Variants in MAF observed in about 807,000 individuals in gnomAD.
MAF encodes transcription factor Maf.
Under a neutral mutation model 22.0 loss-of-function variants are expected in MAF, and 10 were observed. The observed-to-expected ratio is 0.45, with a 90% confidence interval of 0.28 to 0.77. The LOEUF (loss-of-function observed/expected upper bound fraction) is 0.77, where lower values mean the gene tolerates loss of function less well. Among genes scored for constraint, MAF ranks in the 30% least tolerant of loss-of-function variants. The probability of loss-of-function intolerance (pLI) is 0.12; values close to 1 mark genes in which losing one functional copy is unlikely to be tolerated. For missense variants in MAF, 544 were observed against 548.4 expected, an observed-to-expected ratio of 0.99 and a Z score of 0.08; for synonymous variants, 337 against 255.8, an observed-to-expected ratio of 1.32 and a Z score of -3.03.
the MAF span, among the ~76,000 whole-genome samples, chr16:79,404,349 A>T: frequency 2.6e-5 from 4 of 151,986 alleles, no homozygotes; most frequent in African/African-American, 9.7e-5. Flanking sequence ...TTTTTAGTAG[A>T]GACTGGGTTT....
chr16:79,327,905 C>T, the MAF span, among the ~76,000 whole-genome samples: 3 of 152,184 alleles, frequency 2.0e-5, no homozygotes, highest in South Asian at 2.1e-4. Context: ...ACCATTTGAT[C>T]GCCAGAAAAT....
At chr16:79,468,388 T>A in the MAF span, among the ~76,000 whole-genome samples, 7 of 152,314 alleles carry the variant, frequency 4.6e-5, no homozygotes, top group African/African-American at 1.4e-4. Context: ...ATCTCCTGGG[T>A]GAGAGGATTA....
chr16:79,580,121 A>C, the MAF span, among the ~76,000 whole-genome samples: 28 of 152,174 alleles, frequency 1.8e-4, no homozygotes, highest in African/African-American at 5.3e-4. Context: ...ACTCTCAGGC[A>C]GAGACCAAGT....
chr16:79,322,822 A>T, the MAF span, among the ~76,000 whole-genome samples: 2 of 152,126 alleles, frequency 1.3e-5, no homozygotes, highest in African/African-American at 4.8e-5. Flanking sequence ...ACCGGACCCC[A>T]TAGTCCCTGC....
At chr16:79,381,494 A>T in the MAF span, among the ~76,000 whole-genome samples, 1 of 152,236 alleles carries the variant, frequency 6.6e-6, no homozygotes, top group Non-Finnish European at 1.5e-5. Context: ...GGTGCCTAAA[A>T]GAAAGAGCGC....
chr16:79,213,940 C>A, the MAF span, among the ~76,000 whole-genome samples: 1 of 152,166 alleles, frequency 6.6e-6, no homozygotes, highest in Non-Finnish European at 1.5e-5. Flanking sequence ...CCTCTCTAAT[C>A]TCAACTTCCA....
chr16:79,600,112 TC>T lies in MAF; in HGVS notation c.-211del. 2 of 422,710 alleles carry T rather than the reference TC, an allele frequency of 4.7e-6. No individual in the cohort carries two copies. The highest frequency in any genetic ancestry group is 7.6e-6 in the Non-Finnish European group (2 of 264,162). The allele number at this position is 422,710 out of a possible 1,614,324, so 26.2% of individuals were successfully genotyped here. ...CCGCGCCCCCCGCGCCCGCCCTCCC[TC>T]CCCCCTGCTCACGCCAATGTGCTCC... On this transcript the variant is annotated 5_prime_UTR_variant, in exon 1 of 2. Transcript: ENST00000326043.
chr16:79,568,964 AG>A, the MAF span, among the ~76,000 whole-genome samples: 1 of 152,204 alleles, frequency 6.6e-6, no homozygotes, highest in Non-Finnish European at 1.5e-5. Context: ...AAAGAGGTTA[AG>A]CCCCCTCATG....
At chr16:79,227,879 C>A in the MAF span, among the ~76,000 whole-genome samples, 4 of 152,076 alleles carry the variant, frequency 2.6e-5, no homozygotes, top group African/African-American at 9.7e-5. Flanking sequence ...ACCACAACTT[C>A]TTTCTTGGAA....
the MAF span, among the ~76,000 whole-genome samples, chr16:79,493,307 G>A: frequency 3.9e-5 from 6 of 152,162 alleles, no homozygotes; most frequent in South Asian, 2.1e-4. Flanking sequence ...TCAGCCTCCC[G>A]AGTAGCCGGG....
At chr16:79,282,214 G>A in the MAF span, among the ~76,000 whole-genome samples, 3 of 152,128 alleles carry the variant, frequency 2.0e-5, no homozygotes, top group African/African-American at 7.2e-5. Flanking sequence ...TCTAAACTGG[G>A]GACACCCGTG....
At chr16:79,597,550 TTGACAAGGAATGCCTTCA>T in intron 1 of MAF, 1 of 1,022,978 alleles carries the variant, frequency 9.8e-7, no homozygotes, top group Non-Finnish European at 1.2e-6. Context: ...TCTGGTATCT[TTGACAAGGAATGCCTTCA>T]GTGCATTGGG....
At chr16:79,446,724 C>T in the MAF span, among the ~76,000 whole-genome samples, 2 of 148,280 alleles carry the variant, frequency 1.3e-5, no homozygotes, top group African/African-American at 4.9e-5. Context: ...CCAGCCTGGG[C>T]AGCACAGTGA....
the MAF span, among the ~76,000 whole-genome samples, chr16:79,260,225 A>C: frequency 6.6e-6 from 1 of 152,196 alleles, no homozygotes; most frequent in African/African-American, 2.4e-5. Flanking sequence ...GTCGTGGCTT[A>C]CTGAAGCCTC....
At chr16:79,343,103 A>C in the MAF span, among the ~76,000 whole-genome samples, 1 of 152,224 alleles carries the variant, frequency 6.6e-6, no homozygotes, top group Non-Finnish European at 1.5e-5. Flanking sequence ...TGTCAGAACA[A>C]GCGAATGAGG....
At chr16:79,290,679 T>A in the MAF span, among the ~76,000 whole-genome samples, 30 of 152,232 alleles carry the variant, frequency 2.0e-4, no homozygotes, top group East Asian at 5.4e-3. Flanking sequence ...CGGGTGTGCT[T>A]TGAGACACTG....
At chr16:79,598,619 G>A in intron 1 of MAF, 166 bp downstream of exon 1, 2 of 1,510,050 alleles carry the variant, frequency 1.3e-6, no homozygotes, top group Non-Finnish European at 1.8e-6. Context: ...TGGTGTGTGC[G>A]TGCGGGTTTG....
the MAF span, among the ~76,000 whole-genome samples, chr16:79,323,601 G>A: frequency 2.0e-5 from 3 of 152,270 alleles, no homozygotes; most frequent in African/African-American, 4.8e-5. Context: ...CATGGGCACC[G>A]GAAAGGGTGC....
chr16:79,522,403 C>T, the MAF span, among the ~76,000 whole-genome samples: 305 of 152,296 alleles, frequency 2.0e-3, no homozygotes, highest in Non-Finnish European at 3.6e-3. Context: ...CCACCCCCAA[C>T]AGAGCTGCTA....
Sources: allele counts gnomAD v4.1 joint callset (sites outside exome capture counted in the v4.1 genomes callset), GRCh38; gene constraint gnomAD v4.1.1; transcripts MANE v1.5; gene names NCBI Gene and HGNC (gene_info 2026-07-23, HGNC 2026-07-21).